The following RYR3 variants were observed in gnomAD, a reference collection of about 807,000 sequenced individuals.
The protein encoded by RYR3 is ryanodine receptor 3.
Under a neutral mutation model 584.3 loss-of-function variants are expected in RYR3, and 207 were observed. The ratio of observed to expected loss-of-function variants is 0.35; its 90% CI spans 0.32 to 0.40. RYR3 has a LOEUF of 0.40. Ranked by LOEUF, RYR3 falls within the 10% of genes least tolerant of loss-of-function variation. The pLI is 1.00. For missense variants in RYR3, 5,616 were observed against 6,089.2 expected, an observed-to-expected ratio of 0.92 and a Z score of 2.59; for synonymous variants, 2,416 against 2,248.5, an observed-to-expected ratio of 1.07 and a Z score of -2.11.
chr15:33,736,733 TTTTG>T lies in RYR3; in HGVS notation c.7515+420_7515+423del, dbSNP rs369662945. On this transcript the variant is annotated intron_variant, in intron 49 of 103. Transcript: ENST00000634891. ...GCTTTTCTTCTTTGTAAGAAATCTT[TTTTG>T]TTTGTTTGTTTTCTACTTTTTTTTT... Among the ~76,000 whole-genome samples, 735 of 152,128 alleles carry T rather than the reference TTTTG, an allele frequency of 4.8e-3. 5 individuals carry two copies. Among genetic ancestry groups the T allele is most frequent in the African/African-American group, 0.017 (686 of 41,468 alleles).
chr15:33,526,681 C>T (rs2054419689), intron 3 of RYR3, among the ~76,000 whole-genome samples: 1 of 151,562 alleles, frequency 6.6e-6, no homozygotes, highest in South Asian at 2.1e-4. Context: ...ACCAAAACAC[C>T]ACCTCCCCTA....
chr15:33,505,498 TTTG>T (rs1241691326), intron 3 of RYR3, among the ~76,000 whole-genome samples: 12 of 152,272 alleles, frequency 7.9e-5, no homozygotes, highest in South Asian at 6.2e-4. Flanking sequence ...TTAGGGAAAC[TTTG>T]TTGTTGTTGA....
chr15:33,418,119 G>T (rs561248091), intron 1 of RYR3, among the ~76,000 whole-genome samples: 1 of 152,206 alleles, frequency 6.6e-6, no homozygotes, highest in African/African-American at 2.4e-5. Flanking sequence ...GGGGATATTG[G>T]ACTACATTCA....
chr15:33,801,004 C>T, intron 68 of RYR3, 147 bp downstream of exon 68: 1 of 643,226 alleles, frequency 1.6e-6, no homozygotes, highest in Non-Finnish European at 2.8e-6. Context: ...GACACTGCCT[C>T]AGGAGGTCCT....
intron 1 of RYR3, among the ~76,000 whole-genome samples, chr15:33,438,859 T>A (rs1567238210): frequency 6.6e-6 from 1 of 151,978 alleles, no homozygotes; most frequent in Non-Finnish European, 1.5e-5. Context: ...CACCTGCACA[T>A]AAAACAGTAA....
intron 27 of RYR3, among the ~76,000 whole-genome samples, chr15:33,638,276 T>C (rs1009441219): frequency 3.9e-5 from 6 of 152,224 alleles, no homozygotes; most frequent in Non-Finnish European, 5.9e-5. Context: ...ATCAGGGCAG[T>C]GTACAAGGAC....
At chr15:33,474,449 T>C (rs915699890) in intron 2 of RYR3, among the ~76,000 whole-genome samples, 1 of 152,208 alleles carries the variant, frequency 6.6e-6, no homozygotes, top group African/African-American at 2.4e-5. Context: ...GTTCCTTCTT[T>C]TCTAGGACAT....
In RYR3 at chr15:33,823,069, G is replaced by C. The variant is rs2077193073; in HGVS notation, c.11069G>C (p.Cys3690Ser). The C allele has an allele frequency of 6.2e-7, 1 of 1,612,424 alleles. No homozygotes were observed. Among genetic ancestry groups the C allele is most frequent in the Non-Finnish European group, 8.5e-7 (1 of 1,179,110 alleles). ...FQSLSGLMQS[C>S]SVLDLNAFER... ...AGCCTTTCTGGTCTTATGCAGTCTT[G>C]CAGGTAAATGCGGGAAAACTACCAT... Residue 3690 changes from cysteine to serine, a missense_variant, in exon 81 of 104, where the codon TGC becomes TCC. This residue lies in a region of RYR3 where 954 missense variants were observed against 1,132.2 expected (regional missense o/e 0.84). Coordinates refer to ENST00000634891, the MANE Select transcript of RYR3 (RefSeq NM_001036.6).
intron 40 of RYR3, among the ~76,000 whole-genome samples, chr15:33,698,634 GGAAGGGAT>G (rs902711806): frequency 1.3e-5 from 2 of 151,928 alleles, no homozygotes; most frequent in Non-Finnish European, 2.9e-5. Flanking sequence ...CAGGGTCCTA[GGAAGGGAT>G]GATTTCTGGT....
intron 1 of RYR3, among the ~76,000 whole-genome samples, chr15:33,345,005 T>C (rs946596208): frequency 1.2e-4 from 19 of 152,340 alleles, no homozygotes; most frequent in Admixed American, 2.6e-4. Flanking sequence ...GTGAACTGAC[T>C]TCCCCAAGTT....
At position 33,566,777 on chromosome 15, in the gene RYR3, G is replaced by A. The variant is rs770703854; in HGVS notation, c.1246G>A (p.Ala416Thr). 1 of 1,613,690 alleles carries A rather than the reference G, an allele frequency of 6.2e-7. No individual in the cohort carries two copies. The highest frequency in any genetic ancestry group is 1.7e-5 in the Admixed American group (1 of 60,006). ...TGCTCGGATCATCCGGAACACTACA[G>A]CCTTATTCAGCCAGTTTGTCAGGTA... ...QAARIIRNTT[A>T]LFSQFVSGNN... is the part of the protein sequence containing the mutation. Residue 416 changes from alanine to threonine, a missense_variant, in exon 12 of 104, where the codon GCC (alanine) becomes ACC (threonine). Coordinates refer to ENST00000634891, the MANE Select transcript of RYR3 (RefSeq NM_001036.6).
At chr15:33,729,395 C>T (rs187929452) in intron 47 of RYR3, among the ~76,000 whole-genome samples, 60 of 152,166 alleles carry the variant, frequency 3.9e-4, no homozygotes, top group African/African-American at 1.3e-3. Context: ...CAGATATCAC[C>T]AGATGTCCCC....
chr15:33,418,904 G>A (rs1254017173), intron 1 of RYR3, among the ~76,000 whole-genome samples: 1 of 152,162 alleles, frequency 6.6e-6, no homozygotes, highest in African/African-American at 2.4e-5. Flanking sequence ...TAAGGAATTA[G>A]TGGAAGCAAA....
chr15:33,865,038 C>A, intron 103 of RYR3, 93 bp from the exon 104 acceptor site: 1 of 868,062 alleles, frequency 1.2e-6, no homozygotes, highest in Non-Finnish European at 1.9e-6. Flanking sequence ...TCACATCAGT[C>A]TTCCTAAAGG....
At chr15:33,499,418 G>C (rs545875328) in intron 2 of RYR3, among the ~76,000 whole-genome samples, 1 of 151,428 alleles carries the variant, frequency 6.6e-6, no homozygotes, top group East Asian at 2.0e-4. Context: ...TGGGCCTTTT[G>C]TCTCATACTT....
chr15:33,681,318 T>G (rs1226354600), intron 38 of RYR3, among the ~76,000 whole-genome samples: 1 of 152,228 alleles, frequency 6.6e-6, no homozygotes, highest in African/African-American at 2.4e-5. Flanking sequence ...TTAATGGTAC[T>G]GCAAACAACA....
rs752188787 is a variant in RYR3 at position 33,769,090 on chromosome 15, C to T, written c.8756-22C>T. 3.8e-6 allele frequency: 6 copies of T among 1,594,642 alleles called. No individual in the cohort carries two copies. The Admixed American group carries it at 8.3e-5, about 22-fold the overall frequency. On this transcript the variant is annotated intron_variant, in intron 61 of 103. Coordinates refer to ENST00000634891, the MANE Select transcript of RYR3 (RefSeq NM_001036.6). ...CAGGCTGAGTGGTTTGAGGGAATCA[C>T]AGATGATTTTTTTTATTCCAGGTAG...
intron 103 of RYR3, among the ~76,000 whole-genome samples, chr15:33,864,462 A>C (rs775276760): frequency 1.4e-4 from 22 of 152,196 alleles, no homozygotes; most frequent in Non-Finnish European, 3.1e-4. Context: ...GAAATAAGAA[A>C]TTGTCTGACA....
chr15:33,371,250 C>T (rs977678782), intron 1 of RYR3, among the ~76,000 whole-genome samples: 5 of 152,112 alleles, frequency 3.3e-5, no homozygotes, highest in African/African-American at 1.2e-4. Context: ...AGGGCTTCAG[C>T]CTCAAGTCTG....
Sources: gnomAD v4.1 joint callset for allele counts (sites outside exome capture counted in the v4.1 genomes callset) on GRCh38, gnomAD v4.1.1 for gene constraint, gnomAD v4.1.1 regional missense constraint, MANE v1.5 for transcripts, NCBI Gene and HGNC (gene_info 2026-07-23, HGNC 2026-07-21) for gene names.